The following THSD7B variants were observed in gnomAD, a reference collection of about 807,000 sequenced individuals.
THSD7B encodes thrombospondin type-1 domain-containing protein 7B.
Under a neutral mutation model 213.6 loss-of-function variants are expected in THSD7B, and 138 were observed. The ratio of observed to expected loss-of-function variants is 0.65; its 90% CI spans 0.56 to 0.74. The LOEUF (loss-of-function observed/expected upper bound fraction) is 0.74, where lower values mean the gene tolerates loss of function less well. THSD7B is among the 30% of genes least tolerant of loss of function. THSD7B has a pLI of 0.00. For synonymous variants in THSD7B, 742 were observed against 687.0 expected (o/e 1.08, Z -1.25); for missense variants, 1,931 against 1,991.5 (o/e 0.97, Z 0.58).
At chr2:136,910,003 T>G (rs1558848397) in intron 2 of THSD7B, among the ~76,000 whole-genome samples, 3 of 152,114 alleles carry the variant, frequency 2.0e-5, no homozygotes, top group Non-Finnish European at 2.9e-5. Context: ...ATATATTAAC[T>G]TTGAGGCCCC....
rs377578172 is a variant in THSD7B at position 137,127,277 on chromosome 2, G to A, written c.1369+11984G>A. ...TAATATCTGCTAGCTGTGCTGAGGAGATTAGAATTTTTACTCAGTTGCATA... is the reference window on the plus strand; with the variant it reads ...TAATATCTGCTAGCTGTGCTGAGGAAATTAGAATTTTTACTCAGTTGCATA... On this transcript the variant is annotated intron_variant, in intron 5 of 27. Transcript: ENST00000409968. Among the ~76,000 whole-genome samples, 13 of 152,230 alleles carry A rather than the reference G, an allele frequency of 8.5e-5. No homozygotes were observed. The East Asian group carries it at 1.6e-3, about 18-fold the overall frequency.
intron 7 of THSD7B, among the ~76,000 whole-genome samples, chr2:137,184,097 A>T (rs1680506452): frequency 6.6e-6 from 1 of 152,160 alleles, no homozygotes; most frequent in South Asian, 2.1e-4. Context: ...TCCAAGATCA[A>T]GGAAATAGCC....
At chr2:137,275,005 C>T (rs1002207245) in intron 11 of THSD7B, among the ~76,000 whole-genome samples, 2 of 151,954 alleles carry the variant, frequency 1.3e-5, no homozygotes. Flanking sequence ...GAGGTACTGG[C>T]TCATATGAAA....
chr2:137,342,031 G>A (rs1684773805), intron 12 of THSD7B, among the ~76,000 whole-genome samples: 1 of 151,360 alleles, frequency 6.6e-6, no homozygotes, highest in East Asian at 1.9e-4. Context: ...TATATGAAAT[G>A]ACATTGACAT....
chr2:137,200,189 C>T (rs1680846502), intron 7 of THSD7B, among the ~76,000 whole-genome samples: 1 of 152,106 alleles, frequency 6.6e-6, no homozygotes, highest in Admixed American at 6.5e-5. Context: ...TATTCAAGGG[C>T]ATAGGAGTAC....
intron 2 of THSD7B, among the ~76,000 whole-genome samples, chr2:136,948,710 T>TA (rs1684985465): frequency 6.6e-6 from 1 of 152,218 alleles, no homozygotes; most frequent in African/African-American, 2.4e-5. Context: ...ATTGAGCACT[T>TA]ACTCTATGTC....
chr2:136,989,830 C>T (rs1387042738), intron 2 of THSD7B, among the ~76,000 whole-genome samples: 1 of 152,098 alleles, frequency 6.6e-6, no homozygotes, highest in African/African-American at 2.4e-5. Context: ...ATTCTAAGTG[C>T]TGGGTTTAAA....
At chr2:136,798,640 C>G (rs1231595154) in intron 1 of THSD7B, among the ~76,000 whole-genome samples, 1 of 151,912 alleles carries the variant, frequency 6.6e-6, no homozygotes, top group Admixed American at 6.6e-5. Flanking sequence ...GACCTGATAT[C>G]AACACTGCGC....
chr2:137,014,263 C>G (rs1372493103), intron 2 of THSD7B, among the ~76,000 whole-genome samples: 1 of 152,190 alleles, frequency 6.6e-6, no homozygotes, highest in Non-Finnish European at 1.5e-5. Flanking sequence ...CCTGGCTCAG[C>G]ATTCACACGT....
intron 2 of THSD7B, among the ~76,000 whole-genome samples, chr2:136,949,455 A>G (rs515093): frequency 0.6 from 91,669 of 152,050 alleles, 29,153 homozygotes; most frequent in Non-Finnish European, 0.73. Context: ...AAGCCACTGA[A>G]ATTTCGGAGG....
At chr2:137,476,173 T>A (rs1688187286) in intron 15 of THSD7B, among the ~76,000 whole-genome samples, 1 of 152,110 alleles carries the variant, frequency 6.6e-6, no homozygotes, top group South Asian at 2.1e-4. Context: ...TTTTGTTTTT[T>A]CTCTTGAGTT....
chr2:137,124,219 C>G (rs1256693487), intron 5 of THSD7B, among the ~76,000 whole-genome samples: 3 of 152,156 alleles, frequency 2.0e-5, no homozygotes, highest in African/African-American at 4.8e-5. Context: ...GGATTTTTCT[C>G]AAACACAAAG....
At chr2:137,030,882 C>T (rs895705445) in intron 2 of THSD7B, among the ~76,000 whole-genome samples, 2 of 152,028 alleles carry the variant, frequency 1.3e-5, no homozygotes, top group Non-Finnish European at 2.9e-5. Flanking sequence ...ATACAATTAT[C>T]CATGTAATAA....
chr2:137,189,216 G>A (rs1243538514), intron 7 of THSD7B, among the ~76,000 whole-genome samples: 2 of 152,160 alleles, frequency 1.3e-5, no homozygotes, highest in Admixed American at 6.5e-5. Context: ...AAACCCAGGG[G>A]CAGCTCCTTT....
rs754326526 is a variant in THSD7B, at chr2:137,170,845, C to T, written c.1630C>T (p.Arg544Ter). ...SVPCEDPMCY[R>*]WLASEGICFP... The stretch of plus-strand genomic sequence containing the variant: ...TCCTTGTGAGGATCCAATGTGCTAC[C>T]GATGGCTGGCATCAGAAGGGATCTG... The change falls in exon 7 of 28, where the codon CGA becomes TGA. Residue 544 changes from arginine to a stop codon, truncating the protein, a stop_gained. Transcript: ENST00000409968. LOFTEE classifies it high-confidence loss of function. The T allele has an allele frequency of 3.1e-6, 5 of 1,613,648 alleles. No homozygotes were observed. The highest frequency in any genetic ancestry group is 1.7e-5 in the Admixed American group (1 of 59,976).
At chr2:137,538,560 C>T (rs1680550308) in intron 15 of THSD7B, 12 of 495,124 alleles carry the variant, frequency 2.4e-5, no homozygotes, top group Non-Finnish European at 4.4e-5. Context: ...TTGATGTTTT[C>T]CTTCACAAAC....
intron 5 of THSD7B, among the ~76,000 whole-genome samples, chr2:137,129,046 C>T (rs1049765062): frequency 3.3e-5 from 5 of 152,012 alleles, no homozygotes; most frequent in East Asian, 1.9e-4. Flanking sequence ...ATATAAGCCA[C>T]GTGGCTTTTT....
chr2:137,450,211 G>A (rs566131100), intron 14 of THSD7B, among the ~76,000 whole-genome samples: 5 of 152,270 alleles, frequency 3.3e-5, no homozygotes, highest in South Asian at 2.1e-4. Flanking sequence ...GAGAAAGACC[G>A]TTGCAAGAAG....
intron 1 of THSD7B, among the ~76,000 whole-genome samples, chr2:136,868,082 A>C (rs1472939059): frequency 6.6e-6 from 1 of 151,528 alleles, no homozygotes; most frequent in Non-Finnish European, 1.5e-5. Context: ...TGTTTAAAAC[A>C]TCTAGAAACA....
Sources: gnomAD v4.1 joint callset for allele counts (sites outside exome capture counted in the v4.1 genomes callset) on GRCh38, gnomAD v4.1.1 for gene constraint, MANE v1.5 for transcripts, NCBI Gene and HGNC (gene_info 2026-07-23, HGNC 2026-07-21) for gene names.